Variants in STX3 observed in about 807,000 individuals in gnomAD.
STX3 encodes syntaxin 3.
In STX3, 19 loss-of-function variants were observed where a neutral mutation model predicts 40.2. That is an observed-to-expected ratio of 0.47 (90% CI 0.33 to 0.69). The LOEUF is 0.69. STX3 is among the 30% of genes least tolerant of loss of function. The pLI, the probability that STX3 is intolerant of heterozygous loss-of-function variation, is 0.02. For synonymous variants in STX3, 122 were observed against 132.2 expected (o/e 0.92, Z 0.53); for missense variants, 364 against 366.7 (o/e 0.99, Z 0.06).
At chr11:59,785,567 G>C (rs1244047689) in intron 2 of STX3, among the ~76,000 whole-genome samples, 1 of 152,182 alleles carries the variant, frequency 6.6e-6, no homozygotes, top group African/African-American at 2.4e-5. Flanking sequence ...CTGGGCTCAA[G>C]TAATCTGCCT....
chr11:59,760,416 T>A (rs567800580), intron 1 of STX3, among the ~76,000 whole-genome samples: 145 of 152,090 alleles, frequency 9.5e-4, no homozygotes, highest in Non-Finnish European at 5.9e-4. Flanking sequence ...TGTGGGTTTT[T>A]TTTTTTTGTT....
At chr11:59,794,075 A>G (rs535568336) in intron 8 of STX3, among the ~76,000 whole-genome samples, 1 of 150,858 alleles carries the variant, frequency 6.6e-6, no homozygotes, top group South Asian at 2.1e-4. Flanking sequence ...ATAAATTTTT[A>G]TTTTTTTCCA....
At chr11:59,760,973 A>G (rs114115173) in intron 1 of STX3, among the ~76,000 whole-genome samples, 3,477 of 152,324 alleles carry the variant, frequency 0.023, 133 homozygotes, top group African/African-American at 0.08. Flanking sequence ...TTGATTAATA[A>G]CAGCTTGACC....
rs549499530 is a variant in STX3, at chr11:59,784,629, G to A, written c.115-2408G>A. On this transcript the variant is annotated intron_variant, in intron 2 of 10. Coordinates refer to ENST00000337979, the MANE Select transcript of STX3 (RefSeq NM_004177.5). ...CAGAGGTCAAGGAGGAGCAAGTCAC[G>A]TCTTACATGGATGGCAGCAGGCAAA... Among the ~76,000 whole-genome samples the A allele has an allele frequency of 1.1e-3, 168 of 152,326 alleles. 3 individuals carry two copies. The highest frequency in any genetic ancestry group is 2.5e-4 in the Non-Finnish European group (17 of 68,036).
intron 1 of STX3, among the ~76,000 whole-genome samples, chr11:59,771,682 AG>A (rs971227478): frequency 6.6e-6 from 1 of 152,108 alleles, no homozygotes; most frequent in Non-Finnish European, 1.5e-5. Flanking sequence ...TGGTGTGTCC[AG>A]GGAATGGTGT....
intron 5 of STX3, among the ~76,000 whole-genome samples, chr11:59,790,851 C>T (rs1865102484): frequency 1.3e-5 from 2 of 152,120 alleles, no homozygotes; most frequent in African/African-American, 4.8e-5. Flanking sequence ...AGCGTGCCTT[C>T]TTGTTTTACA....
intron 1 of STX3, among the ~76,000 whole-genome samples, chr11:59,757,433 A>G (rs1862779440): frequency 6.6e-6 from 1 of 152,200 alleles, no homozygotes; most frequent in Non-Finnish European, 1.5e-5. Context: ...ATTGTCAACA[A>G]TGAGCAAAGA....
At position 59,803,125 on chromosome 11, in the gene STX3, C is replaced by G; in HGVS notation, c.*2301C>G. On this transcript the variant is annotated 3_prime_UTR_variant, in exon 11 of 11. Coordinates refer to ENST00000337979, the MANE Select transcript of STX3 (RefSeq NM_004177.5). Reference sequence around the variant, plus strand: ...TTCTGTTGCTCTCTTCCTTCACACCCTCTTCCATGTCCACATGCACTTATC... The same window carrying G: ...TTCTGTTGCTCTCTTCCTTCACACCGTCTTCCATGTCCACATGCACTTATC... 8.1e-7 allele frequency: 1 copy of G among 1,230,096 alleles called. No homozygotes were observed. The highest frequency in any genetic ancestry group is 1.6e-5 in the African/African-American group (1 of 64,504). The allele number at this position is 1,230,096 out of a possible 1,614,324, so 76.2% of individuals were successfully genotyped here. A position where few individuals can be genotyped will look rare whatever the true frequency, so the allele number is the denominator to read the frequency against.
At chr11:59,796,398 C>T (rs17154195) in intron 9 of STX3, among the ~76,000 whole-genome samples, 15,841 of 152,232 alleles carry the variant, frequency 0.1, 1,153 homozygotes, top group African/African-American at 0.2. Flanking sequence ...TTTTAGACTT[C>T]TCTCCTTTGA....
chr11:59,801,516 C>G lies in STX3; in HGVS notation c.*692C>G, dbSNP rs149572486. ...GGAGGGACCAGGATGATACAGTCAT[C>G]TGAGGTTATGCTTTGCAAAAGGCTG... On this transcript the variant is annotated 3_prime_UTR_variant, in exon 11 of 11. Coordinates refer to ENST00000337979, the MANE Select transcript of STX3 (RefSeq NM_004177.5). 103 of 985,446 alleles carry G rather than the reference C, an allele frequency of 1.0e-4. No individual in the cohort carries two copies. In the African/African-American group the frequency reaches 1.7e-3, roughly 16 times the overall value. 61.0% of individuals were successfully genotyped at this position (985,446 alleles called of 1,614,324 possible).
intron 2 of STX3, among the ~76,000 whole-genome samples, chr11:59,783,036 G>T (rs968093258): frequency 6.6e-6 from 1 of 151,808 alleles, no homozygotes; most frequent in East Asian, 1.9e-4. Flanking sequence ...CAATGAGAAG[G>T]CACTGGGAAT....
chr11:59,792,183 G>A lies in STX3; in HGVS notation c.434G>A (p.Ser145Asn). The stretch of plus-strand genomic sequence containing the variant: ...GCTCAAGTGGACTTCCGAGAACGCA[G>A]CAAAGGGCGAATCCAGCGGCAGCTC... The part of the protein sequence containing the change: ...NEAQVDFRER[S>N]KGRIQRQLEI... Residue 145 changes from serine (S) to asparagine (N), a missense_variant, in exon 6 of 11, where the codon AGC (serine) becomes AAC (asparagine). Transcript: ENST00000337979. 6.2e-7 allele frequency: 1 copy of A among 1,614,042 alleles called. No homozygotes were observed. Among genetic ancestry groups the A allele is most frequent in the Non-Finnish European group, 8.5e-7 (1 of 1,180,018 alleles).
At position 59,802,651 on chromosome 11, in the gene STX3, C is replaced by T. The variant is rs1488475620; in HGVS notation, c.*1827C>T. 8.1e-6 allele frequency: 8 copies of T among 985,506 alleles called. No individual in the cohort carries two copies. The highest frequency in any genetic ancestry group is 9.6e-6 in the Non-Finnish European group (8 of 829,798). The allele number at this position is 985,506 out of a possible 1,614,324, so 61.0% of individuals were successfully genotyped here. ...GTTGTTTGTATTTTTTAGATGTAAA[C>T]TTGATTATTTTATTGCTAATTTAAA... On this transcript the variant is annotated 3_prime_UTR_variant, in exon 11 of 11. Coordinates refer to ENST00000337979, the MANE Select transcript of STX3 (RefSeq NM_004177.5).
At position 59,755,477 on chromosome 11, in the gene STX3, C is replaced by T. The variant is rs1590734499; in HGVS notation, c.-129C>T. 3 of 1,203,978 alleles carry T rather than the reference C, an allele frequency of 2.5e-6. No homozygotes were observed. The East Asian group carries it at 9.4e-5, about 38-fold the overall frequency. The allele number at this position is 1,203,978 out of a possible 1,614,324, so 74.6% of individuals were successfully genotyped here. ...CTAGCTAGCGGCCGCCGCCCGCCGC[C>T]GCCTGCGCCTCCAGCTCCTTCGCCC... On this transcript the variant is annotated 5_prime_UTR_variant, in exon 1 of 11. Coordinates refer to ENST00000337979, the MANE Select transcript of STX3 (RefSeq NM_004177.5).
upstream of STX3, chr11:59,754,215 C>G (rs996049307): frequency 1.3e-5 from 2 of 152,200 alleles, no homozygotes; most frequent in Non-Finnish European, 2.9e-5. Flanking sequence ...GTGTGCCGGA[C>G]GCGAGAGAGA....
rs1266864148 is a variant in STX3 at position 59,802,279 on chromosome 11, G to A, written c.*1455G>A. The A allele has an allele frequency of 1.0e-6, 1 of 985,356 alleles. No homozygotes were observed. Among genetic ancestry groups the A allele is most frequent in the African/African-American group, 1.7e-5 (1 of 57,262 alleles). The allele number at this position is 985,356 out of a possible 1,614,324, so 61.0% of individuals were successfully genotyped here. A position where few individuals can be genotyped will look rare whatever the true frequency, so the allele number is the denominator to read the frequency against. On this transcript the variant is annotated 3_prime_UTR_variant, in exon 11 of 11. Coordinates refer to ENST00000337979, the MANE Select transcript of STX3 (RefSeq NM_004177.5). ...TAGGAAATCTTCAAGTGTAGTGTCT[G>A]TGCTAACCCAGTGGTAAATCCCTTA...
At chr11:59,792,253 C>G (rs770007445) in intron 6 of STX3, 38 bp downstream of exon 6, 1 of 1,566,586 alleles carries the variant, frequency 6.4e-7, no homozygotes, top group South Asian at 1.1e-5. Context: ...CTCCACCTTT[C>G]CTGCCACCTG....
At position 59,805,201 on chromosome 11, in the gene STX3, A is replaced by ACAAACAAAC. The variant is rs1866042381; in HGVS notation, c.*4377_*4378insCAAACAAAC. ...TAAAAAAAAAAAAAAAACAAAAAAAAAAAACTGTTCTTAATACTTAATACT... is the reference window on the plus strand; with the variant it reads ...TAAAAAAAAAAAAAAAACAAAAAAAACAAACAAACAAAACTGTTCTTAATACTTAATACT... On this transcript the variant is annotated 3_prime_UTR_variant, in exon 11 of 11. Coordinates refer to ENST00000337979, the MANE Select transcript of STX3 (RefSeq NM_004177.5). 1 of 150,078 alleles carries ACAAACAAAC rather than the reference A, an allele frequency of 6.7e-6. No homozygotes were observed. Among genetic ancestry groups the ACAAACAAAC allele is most frequent in the African/African-American group, 2.5e-5 (1 of 40,188 alleles). 9.3% of individuals were successfully genotyped at this position (150,078 alleles called of 1,614,324 possible).
chr11:59,791,301 G>A (rs1381923219), intron 5 of STX3, among the ~76,000 whole-genome samples: 1 of 152,218 alleles, frequency 6.6e-6, no homozygotes, highest in Non-Finnish European at 1.5e-5. Flanking sequence ...CTGTGGGATA[G>A]TGGACACATA....
Sources: allele counts gnomAD v4.1 joint callset (sites outside exome capture counted in the v4.1 genomes callset), GRCh38; gene constraint gnomAD v4.1.1; transcripts MANE v1.5; gene names NCBI Gene and HGNC (gene_info 2026-07-23, HGNC 2026-07-21).